The following PHACTR2 variants were observed in gnomAD, a reference collection of about 807,000 sequenced individuals.
PHACTR2 encodes the protein chromosome 6 open reading frame 56.
Under a neutral mutation model 76.0 loss-of-function variants are expected in PHACTR2, and 30 were observed. That is an observed-to-expected ratio of 0.39 (90% confidence interval 0.30 to 0.54). PHACTR2 has a LOEUF of 0.54. Among genes scored for constraint, PHACTR2 ranks in the 20% least tolerant of loss-of-function variants. The probability of loss-of-function intolerance (pLI) is 0.61; values close to 1 mark genes in which losing one functional copy is unlikely to be tolerated. For missense variants in PHACTR2, 696 were observed against 781.1 expected (o/e 0.89, Z 1.30); for synonymous variants, 292 against 292.5 (o/e 1.00, Z 0.02).
rs893829613 is a variant in PHACTR2 at position 143,652,114 on chromosome 6, T to G, written c.13+43792T>G. ...AAACACTGGTGATTCTGCTTTATAC[T>G]AAAAATGATGGCGGTGATGGGGGAA... On this transcript the variant is annotated intron_variant, in intron 1 of 11. Coordinates refer to the PHACTR2 transcript ENST00000305766. This position sits in a 1 kb window ranked among gnomAD's most constrained non-coding sequence, Gnocchi z 4.5. 6.7e-6 allele frequency among the ~76,000 whole-genome samples: 1 copy of G among 149,998 alleles called. No individual in the cohort carries two copies. Among genetic ancestry groups the G allele is most frequent in the Non-Finnish European group, 1.5e-5 (1 of 67,576 alleles).
At chr6:143,723,870 G>A (rs760942397) in intron 2 of PHACTR2, among the ~76,000 whole-genome samples, 4 of 152,176 alleles carry the variant, frequency 2.6e-5, no homozygotes, top group Non-Finnish European at 5.9e-5. Context: ...GTTTTGTCAA[G>A]AGGTTGATCT....
rs150078667 is a variant in PHACTR2, at chr6:143,739,952, G to T, written c.215-9033G>T. On this transcript the variant is annotated intron_variant, in intron 2 of 12. Transcript: ENST00000440869. This position sits in a 1 kb window ranked among gnomAD's most constrained non-coding sequence, Gnocchi z 4.3. ...GGTCCTGCTCAAGACCCCAAGAGAGGGTTCTTGGATCTCGGACAAGAAAGA... is the reference window on the plus strand; with the variant it reads ...GGTCCTGCTCAAGACCCCAAGAGAGTGTTCTTGGATCTCGGACAAGAAAGA... Among the ~76,000 whole-genome samples the T allele has an allele frequency of 6.6e-6, 1 of 152,166 alleles. No individual in the cohort carries two copies. The highest frequency in any genetic ancestry group is 1.5e-5 in the Non-Finnish European group (1 of 68,028).
At chr6:143,705,452 G>T (rs370631484) in intron 1 of PHACTR2, among the ~76,000 whole-genome samples, 9 of 152,082 alleles carry the variant, frequency 5.9e-5, no homozygotes, top group African/African-American at 2.2e-4. Context: ...CCGCCACTGC[G>T]CCCAGCCAAT....
chr6:143,608,462 C>A lies in PHACTR2; in HGVS notation c.13+140C>A, dbSNP rs538968765. The A allele has an allele frequency of 3.8e-6, 3 of 795,518 alleles. No individual in the cohort carries two copies. Among genetic ancestry groups the A allele is most frequent in the Non-Finnish European group, 6.5e-6 (3 of 463,794 alleles). The allele number at this position is 795,518 out of a possible 1,614,324, so 49.3% of individuals were successfully genotyped here. ...ACTGAGACGCGTGTAATATGTGAACCCCGATGCATTGTCCACAAGACAATT... is the reference window on the plus strand; with the variant it reads ...ACTGAGACGCGTGTAATATGTGAACACCGATGCATTGTCCACAAGACAATT... On this transcript the variant is annotated intron_variant, in intron 1 of 11. Coordinates refer to the PHACTR2 transcript ENST00000305766. This position sits in a 1 kb window ranked among gnomAD's most constrained non-coding sequence, Gnocchi z 4.6.
At chr6:143,781,815 A>G (rs1397801603) in intron 9 of PHACTR2, among the ~76,000 whole-genome samples, 3 of 152,168 alleles carry the variant, frequency 2.0e-5, no homozygotes, top group Non-Finnish European at 4.4e-5. Flanking sequence ...ATTATAACCA[A>G]ATTTGTTTGA....
chr6:143,651,965 A>G (rs1387066354), intron 1 of PHACTR2, among the ~76,000 whole-genome samples: 1 of 151,872 alleles, frequency 6.6e-6, no homozygotes, highest in Non-Finnish European at 1.5e-5. Context: ...GCAGCCACCT[A>G]CAAACCCAGA....
At chr6:143,758,343 G>C (rs1275878219) in intron 4 of PHACTR2, among the ~76,000 whole-genome samples, 1 of 152,182 alleles carries the variant, frequency 6.6e-6, no homozygotes, top group Non-Finnish European at 1.5e-5. Flanking sequence ...CTTTCACTAT[G>C]GATGACACTA....
intron 12 of PHACTR2, among the ~76,000 whole-genome samples, chr6:143,814,393 T>A (rs535096408): frequency 6.6e-6 from 1 of 152,136 alleles, no homozygotes; most frequent in Non-Finnish European, 1.5e-5. Flanking sequence ...TTACTATTCA[T>A]TAGGTGGAAT....
intron 2 of PHACTR2, among the ~76,000 whole-genome samples, chr6:143,734,585 T>C (rs1040434793): frequency 1.3e-5 from 2 of 152,220 alleles, no homozygotes; most frequent in Non-Finnish European, 2.9e-5. Context: ...TGATTACAAA[T>C]GACACATTTT....
chr6:143,607,411 T>TTA (rs1283546119), upstream of PHACTR2, among the ~76,000 whole-genome samples: 1 of 152,216 alleles, frequency 6.6e-6, no homozygotes. Flanking sequence ...AGAGTCATCT[T>TTA]TACACAGCCA....
In PHACTR2 at chr6:143,825,839, G is replaced by A. The variant is rs1208840716; in HGVS notation, c.*2150G>A. On this transcript the variant is annotated 3_prime_UTR_variant, in exon 13 of 13. Coordinates refer to ENST00000440869, the MANE Select transcript of PHACTR2 (RefSeq NM_001100164.2). This position sits in a 1 kb window ranked among gnomAD's most constrained non-coding sequence, Gnocchi z 4.1. Reference sequence around the variant, plus strand: ...GTATGTTATTGAAAGTTTCTATTTGGTTGATAAAAGGAACAATTTTTTCCC... The same window carrying A: ...GTATGTTATTGAAAGTTTCTATTTGATTGATAAAAGGAACAATTTTTTCCC... 6.6e-6 allele frequency: 1 copy of A among 151,918 alleles called. No individual in the cohort carries two copies. The highest frequency in any genetic ancestry group is 1.5e-5 in the Non-Finnish European group (1 of 67,976). 9.4% of individuals were successfully genotyped at this position (151,918 alleles called of 1,614,324 possible). A position where few individuals can be genotyped will look rare whatever the true frequency, so the allele number is the denominator to read the frequency against.
Position 143,621,403 on chromosome 6 carries a change from G to C in PHACTR2, c.13+13081G>C, listed in dbSNP as rs935724990. Among the ~76,000 whole-genome samples, 2 of 152,192 alleles carry C rather than the reference G, an allele frequency of 1.3e-5. No homozygotes were observed. Among genetic ancestry groups the C allele is most frequent in the Non-Finnish European group, 2.9e-5 (2 of 68,036 alleles). ...AGGGCAAATCCTTCCCATAGTTCCT[G>C]CCTCTCTCTCTAGAGTAGCACAGGA... On this transcript the variant is annotated intron_variant, in intron 1 of 11. Transcript: ENST00000305766. The surrounding 1 kb of genome is among the most constrained non-coding windows in gnomAD (Gnocchi z 4.1).
In PHACTR2 at chr6:143,791,835, T is replaced by C. The variant is rs944268737; in HGVS notation, c.1845+2925T>C. Among the ~76,000 whole-genome samples, 1 of 152,192 alleles carries C rather than the reference T, an allele frequency of 6.6e-6. No homozygotes were observed. Among genetic ancestry groups the C allele is most frequent in the African/African-American group, 2.4e-5 (1 of 41,440 alleles). On this transcript the variant is annotated intron_variant, in intron 11 of 12. Coordinates refer to ENST00000440869, the MANE Select transcript of PHACTR2 (RefSeq NM_001100164.2). The surrounding 1 kb of genome is among the most constrained non-coding windows in gnomAD (Gnocchi z 4.7). Reference sequence around the variant, plus strand: ...TAAAAATATAATTTTTAAACTGGATTGTCAAAATGAGTTATTTTATACTAC... The same window carrying C: ...TAAAAATATAATTTTTAAACTGGATCGTCAAAATGAGTTATTTTATACTAC...
intron 6 of PHACTR2, among the ~76,000 whole-genome samples, chr6:143,771,220 A>ATATATATATATATATATATG (rs1775126134): frequency 9.8e-6 from 1 of 101,530 alleles, no homozygotes; most frequent in African/African-American, 4.4e-5. Flanking sequence ...ATATATATAT[A>ATATATATATATATATATATG]TATATATATA....
intron 1 of PHACTR2, among the ~76,000 whole-genome samples, chr6:143,575,160 G>A (rs1775490804): frequency 6.6e-6 from 1 of 152,106 alleles, no homozygotes; most frequent in African/African-American, 2.4e-5. Flanking sequence ...TGTTTTTAAT[G>A]TTTTACTTTA....
intron 1 of PHACTR2, among the ~76,000 whole-genome samples, chr6:143,551,470 T>G (rs1412818109): frequency 6.6e-6 from 1 of 152,228 alleles, no homozygotes; most frequent in Non-Finnish European, 1.5e-5. Context: ...TTGTGAAGCA[T>G]TTTTAATTCT....
rs886739428 is a variant in PHACTR2, at chr6:143,547,296, A to G, written c.217+10089A>G. Among the ~76,000 whole-genome samples, 2 of 152,194 alleles carry G rather than the reference A, an allele frequency of 1.3e-5. No homozygotes were observed. The highest frequency in any genetic ancestry group is 4.8e-5 in the African/African-American group (2 of 41,454). On this transcript the variant is annotated intron_variant, in intron 1 of 11. Coordinates refer to the PHACTR2 transcript ENST00000367584. This position sits in a 1 kb window ranked among gnomAD's most constrained non-coding sequence, Gnocchi z 4.2. ...ATTTGAGTGACATAGATGTACTGTC[A>G]CTGAGGAAGATTTGAAAAAGCATTC... is the stretch of plus-strand genomic sequence containing the variant.
At chr6:143,799,562 T>C (rs2128482017) in intron 11 of PHACTR2, among the ~76,000 whole-genome samples, 1 of 152,368 alleles carries the variant, frequency 6.6e-6, no homozygotes, top group South Asian at 2.1e-4. Context: ...TTTAGCTGTG[T>C]CCCAGAGATT....
At position 143,543,471 on chromosome 6, in the gene PHACTR2, T is replaced by C. The variant is rs1781190532; in HGVS notation, c.217+6264T>C. Among the ~76,000 whole-genome samples the C allele has an allele frequency of 6.6e-6, 1 of 152,174 alleles. No homozygotes were observed. The highest frequency in any genetic ancestry group is 2.4e-5 in the African/African-American group (1 of 41,440). ...CCACAGTGCAATAAAGTATAAGCTATGATTAGTGCCCTGTCCTGGGCCTGG... is the reference window on the plus strand; with the variant it reads ...CCACAGTGCAATAAAGTATAAGCTACGATTAGTGCCCTGTCCTGGGCCTGG... On this transcript the variant is annotated intron_variant, in intron 1 of 11. Transcript: ENST00000367584. The surrounding 1 kb of genome is among the most constrained non-coding windows in gnomAD (Gnocchi z 4.7).
Sources: gnomAD v4.1 joint callset for allele counts (sites outside exome capture counted in the v4.1 genomes callset) on GRCh38, gnomAD v4.1.1 for gene constraint, Gnocchi (gnomAD v3.1) non-coding constraint, MANE v1.5 for transcripts, NCBI Gene and HGNC (gene_info 2026-07-23, HGNC 2026-07-21) for gene names.